The following CREB5 variants were observed in gnomAD, a reference collection of about 807,000 sequenced individuals.
The protein encoded by CREB5 is cyclic AMP-responsive element-binding protein 5.
CREB5 carries 19 observed loss-of-function variants against 57.1 expected under a neutral mutation model. The observed-to-expected ratio is 0.33, with a 90% CI of 0.23 to 0.49. CREB5 has a LOEUF of 0.49. Ranked by LOEUF, CREB5 falls within the 20% of genes least tolerant of loss-of-function variation. The pLI is 0.99. For synonymous variants in CREB5, 238 were observed against 238.3 expected, an observed-to-expected ratio of 1.00 and a Z score of 0.01; for missense variants, 579 against 671.6, an observed-to-expected ratio of 0.86 and a Z score of 1.52.
intron 5 of CREB5, among the ~76,000 whole-genome samples, chr7:28,638,867 A>G (rs1269173457): frequency 6.6e-6 from 1 of 152,214 alleles, no homozygotes; most frequent in Non-Finnish European, 1.5e-5. Context: ...TGGTCAGATC[A>G]TAAGTAGAGA....
At chr7:28,410,729 A>G, upstream of CREB5, 2 of 370,048 alleles carry the variant, frequency 5.4e-6, no homozygotes, top group South Asian at 4.0e-5. Context: ...GTGTCAAGGA[A>G]TAAAGACTGG....
chr7:28,378,643 G>C (rs773894012), intron 1 of CREB5, among the ~76,000 whole-genome samples: 1 of 152,072 alleles, frequency 6.6e-6, no homozygotes, highest in Non-Finnish European at 1.5e-5. Context: ...CTGCAATTTT[G>C]ATAAGCATGT....
chr7:28,431,452 T>G (rs1281646895), intron 1 of CREB5, among the ~76,000 whole-genome samples: 1 of 152,216 alleles, frequency 6.6e-6, no homozygotes, highest in Admixed American at 6.5e-5. Flanking sequence ...TAAAGCCTCC[T>G]AGATTTTGAG....
intron 1 of CREB5, among the ~76,000 whole-genome samples, chr7:28,394,102 A>G (rs1431365586): frequency 1.5e-5 from 2 of 137,680 alleles, no homozygotes; most frequent in Non-Finnish European, 3.1e-5. Flanking sequence ...AAAAAAAAAA[A>G]AAAAGTGGAC....
At chr7:28,439,574 C>G (rs1789100180) in intron 1 of CREB5, among the ~76,000 whole-genome samples, 1 of 152,072 alleles carries the variant, frequency 6.6e-6, no homozygotes, top group South Asian at 2.1e-4. Flanking sequence ...AGGAACCTGG[C>G]CCAGAGATGT....
intron 1 of CREB5, among the ~76,000 whole-genome samples, chr7:28,336,055 C>T (rs1252530295): frequency 6.6e-6 from 1 of 152,022 alleles, no homozygotes; most frequent in Admixed American, 6.5e-5. Context: ...CCCACTTGGT[C>T]GTGATGAATG....
Position 28,819,477 on chromosome 7 carries a change from A to G in CREB5, c.*198A>G, listed in dbSNP as rs1233409128. ...GAAAAAAGGGAGTTATGCAATTAAT[A>G]TCTATCAGCTTGGGAAACGCTTTGG... On this transcript the variant is annotated 3_prime_UTR_variant, in exon 11 of 11. Transcript: ENST00000357727. 11 of 539,158 alleles carry G rather than the reference A, an allele frequency of 2.0e-5. No homozygotes were observed. Among genetic ancestry groups the G allele is most frequent in the East Asian group, 3.2e-5 (1 of 30,962 alleles). The allele number at this position is 539,158 out of a possible 1,614,324, so 33.4% of individuals were successfully genotyped here.
chr7:28,416,508 G>A (rs1273592515), intron 1 of CREB5, among the ~76,000 whole-genome samples: 1 of 152,208 alleles, frequency 6.6e-6, no homozygotes, highest in Non-Finnish European at 1.5e-5. Flanking sequence ...TCATGCATCA[G>A]ACAGTAGAAG....
chr7:28,635,165 T>A (rs1461785112), intron 5 of CREB5, among the ~76,000 whole-genome samples: 1 of 152,140 alleles, frequency 6.6e-6, no homozygotes, highest in Non-Finnish European at 1.5e-5. Flanking sequence ...GCTACTATAG[T>A]ACATGAAGGC....
In CREB5 at chr7:28,656,034, G is replaced by A. The variant is rs73302891; in HGVS notation, c.465-62719G>A. Among the ~76,000 whole-genome samples, 337 of 152,282 alleles carry A rather than the reference G, an allele frequency of 2.2e-3. 1 individual carries two copies. Among genetic ancestry groups the A allele is most frequent in the African/African-American group, 7.2e-3 (298 of 41,554 alleles). On this transcript the variant is annotated intron_variant, in intron 5 of 10. Transcript: ENST00000357727. ...CTAAAACATTTAAAAAATGTAGAAC[G>A]TTGAGCATATTGAATATAATTTTTA...
intron 5 of CREB5, among the ~76,000 whole-genome samples, chr7:28,632,737 G>A (rs41304): frequency 0.26 from 39,929 of 151,938 alleles, 5,367 homozygotes; most frequent in East Asian, 0.37. Context: ...TCTGTCCCTC[G>A]GCTCGAAGGT....
chr7:28,760,805 T>C (rs1562622622), intron 7 of CREB5, among the ~76,000 whole-genome samples: 1 of 152,222 alleles, frequency 6.6e-6, no homozygotes, highest in Non-Finnish European at 1.5e-5. Flanking sequence ...GAGCCTACAG[T>C]TATTTTCTTG....
chr7:28,709,521 C>T (rs889673526), intron 5 of CREB5, among the ~76,000 whole-genome samples: 20 of 152,076 alleles, frequency 1.3e-4, no homozygotes, highest in African/African-American at 4.1e-4. Flanking sequence ...CCTATTACTG[C>T]TCTCTGTGTT....
chr7:28,445,134 C>T (rs143584276), intron 1 of CREB5, among the ~76,000 whole-genome samples: 58 of 152,292 alleles, frequency 3.8e-4, no homozygotes, highest in Middle Eastern at 3.4e-3. Context: ...TCTTGTAAGA[C>T]GTTCCTTTGC....
chr7:28,624,076 T>A (rs1797903206), intron 5 of CREB5, among the ~76,000 whole-genome samples: 1 of 152,160 alleles, frequency 6.6e-6, no homozygotes, highest in African/African-American at 2.4e-5. Context: ...CCTCTACAGG[T>A]ATTCAACCTA....
intron 1 of CREB5, among the ~76,000 whole-genome samples, chr7:28,341,132 T>G (rs1304153759): frequency 6.6e-6 from 1 of 152,140 alleles, no homozygotes; most frequent in Non-Finnish European, 1.5e-5. Flanking sequence ...AGGTGCTTTG[T>G]TGGGTAGATA....
intron 1 of CREB5, among the ~76,000 whole-genome samples, chr7:28,435,170 C>G (rs1788902964): frequency 6.6e-6 from 1 of 151,354 alleles, no homozygotes; most frequent in African/African-American, 2.4e-5. Context: ...TGCATGCCAC[C>G]TCAGTTTCCC....
At chr7:28,308,613 T>C (rs1048370164) in intron 1 of CREB5, among the ~76,000 whole-genome samples, 45 of 152,260 alleles carry the variant, frequency 3.0e-4, no homozygotes, top group African/African-American at 1.0e-3. Flanking sequence ...CTTGCTCCCT[T>C]GCTCCCTTCC....
intron 7 of CREB5, among the ~76,000 whole-genome samples, chr7:28,727,017 A>C (rs1283824815): frequency 6.6e-6 from 1 of 151,772 alleles, no homozygotes; most frequent in Non-Finnish European, 1.5e-5. Context: ...GCCCCCAATT[A>C]GTAATTTCTA....
Sources: gnomAD v4.1 joint callset for allele counts (sites outside exome capture counted in the v4.1 genomes callset) on GRCh38, gnomAD v4.1.1 for gene constraint, MANE v1.5 for transcripts, NCBI Gene and HGNC (gene_info 2026-07-23, HGNC 2026-07-21) for gene names.